The following WNK2 variants were observed in gnomAD, a reference collection of about 807,000 sequenced individuals.
WNK2 encodes serine/threonine-protein kinase WNK2.
In WNK2, 67 loss-of-function variants were observed where a neutral mutation model predicts 192.1. The observed-to-expected ratio is 0.35, with a 90% CI of 0.29 to 0.43. The LOEUF (loss-of-function observed/expected upper bound fraction) is 0.43, where lower values mean the gene tolerates loss of function less well. Ranked by LOEUF, WNK2 falls within the 20% of genes least tolerant of loss-of-function variation. The pLI, the probability that WNK2 is intolerant of heterozygous loss-of-function variation, is 1.00. For missense variants in WNK2, 2,698 were observed against 3,089.7 expected (o/e 0.87, Z 3.01); for synonymous variants, 1,439 against 1,393.9 (o/e 1.03, Z -0.72).
rs1327279352 is a variant in WNK2 at position 93,263,992 on chromosome 9, G to A, written c.3655G>A (p.Asp1219Asn). 4 of 1,613,524 alleles carry A rather than the reference G, an allele frequency of 2.5e-6. No individual in the cohort carries two copies. The highest frequency in any genetic ancestry group is 1.3e-5 in the African/African-American group (1 of 74,996). Residue 1219 changes from aspartate (D) to asparagine (N), a missense_variant, in exon 16 of 30, where the codon GAC (aspartate) becomes AAC (asparagine). This residue lies in a region of WNK2 where 21 missense variants were observed against 53.2 expected (regional missense o/e 0.39). Transcript: ENST00000427277. ...HNHKMVTFKF[D>N]LDGDAPDEIA... ...CCACAAGATGGTGACCTTCAAGTTC[G>A]ACTTGGACGGGGACGCACCCGATGA...
chr9:93,207,316 C>T lies in WNK2; in HGVS notation c.681+21706C>T, dbSNP rs147472635. Among the ~76,000 whole-genome samples the T allele has an allele frequency of 5.2e-3, 796 of 152,290 alleles. 2 individuals carry two copies. Among genetic ancestry groups the T allele is most frequent in the Non-Finnish European group, 8.8e-3 (597 of 68,020 alleles). On this transcript the variant is annotated intron_variant, in intron 2 of 29. Transcript: ENST00000427277. ...GGATAGCACTCCTAAGTTGCAGAGC[C>T]GTGGGTTTGACCTGCCCCAGATCTC... is the stretch of plus-strand genomic sequence containing the variant.
chr9:93,281,866 G>GA (rs1847789521), intron 19 of WNK2, among the ~76,000 whole-genome samples: 1 of 152,150 alleles, frequency 6.6e-6, no homozygotes, highest in Non-Finnish European at 1.5e-5. Flanking sequence ...AGTGCTGAAG[G>GA]AAATAAGCCC....
At chr9:93,271,239 G>A (rs563860659) in intron 19 of WNK2, among the ~76,000 whole-genome samples, 19 of 152,294 alleles carry the variant, frequency 1.2e-4, no homozygotes, top group African/African-American at 3.9e-4. Flanking sequence ...GTTGCAACTC[G>A]CAGTCTGAAC....
rs146541306 is a variant in WNK2, at chr9:93,189,278, G to T, written c.681+3668G>T. Among the ~76,000 whole-genome samples, 1,038 of 152,252 alleles carry T rather than the reference G, an allele frequency of 6.8e-3. 15 individuals carry two copies. The highest frequency in any genetic ancestry group is 0.024 in the African/African-American group (989 of 41,534). ...CACTGCCTCTGAGCTGCTGTGGCAG[G>T]GCTGGAACCTGAGTTTCCCAAGATG... On this transcript the variant is annotated intron_variant, in intron 2 of 29. Transcript: ENST00000427277.
chr9:93,191,026 A>C (rs1433511965), intron 2 of WNK2, among the ~76,000 whole-genome samples: 1 of 152,166 alleles, frequency 6.6e-6, no homozygotes, highest in Non-Finnish European at 1.5e-5. Context: ...CCTGCGCTGG[A>C]GACCCCCACG....
At chr9:93,289,683 C>A in intron 20 of WNK2, 63 bp downstream of exon 20, 1 of 1,403,484 alleles carries the variant, frequency 7.1e-7, no homozygotes, top group Non-Finnish European at 9.3e-7. Flanking sequence ...CGGGCGCAGG[C>A]CCGGGGGTGG....
At chr9:93,296,690 C>A (rs572229257) in intron 23 of WNK2, among the ~76,000 whole-genome samples, 12 of 89,848 alleles carry the variant, frequency 1.3e-4, no homozygotes, top group African/African-American at 5.5e-4. Flanking sequence ...CTCCTCCCCT[C>A]TCCATTCTCC....
intron 2 of WNK2, among the ~76,000 whole-genome samples, chr9:93,202,546 A>G (rs965684557): frequency 7.9e-5 from 12 of 151,954 alleles, no homozygotes; most frequent in South Asian, 2.1e-4. Context: ...GCTGGGAGCC[A>G]CAGCTCTCAG....
At chr9:93,224,955 C>T (rs1837550739) in intron 2 of WNK2, among the ~76,000 whole-genome samples, 1 of 152,112 alleles carries the variant, frequency 6.6e-6, no homozygotes, top group Non-Finnish European at 1.5e-5. Context: ...GAATTCAGTC[C>T]ACAGGTGTTC....
chr9:93,222,752 G>A (rs1403006020), intron 2 of WNK2, among the ~76,000 whole-genome samples: 5 of 151,320 alleles, frequency 3.3e-5, no homozygotes, highest in Admixed American at 3.3e-4. Flanking sequence ...GTGTGATCTC[G>A]GCTCACTACA....
At chr9:93,237,870 T>C (rs1840089770) in intron 5 of WNK2, among the ~76,000 whole-genome samples, 1 of 151,946 alleles carries the variant, frequency 6.6e-6, no homozygotes, top group Non-Finnish European at 1.5e-5. Context: ...TTTTTTTTTT[T>C]TGCTGTATGT....
At chr9:93,199,267 C>G (rs549737963) in intron 2 of WNK2, among the ~76,000 whole-genome samples, 2 of 152,318 alleles carry the variant, frequency 1.3e-5, no homozygotes, top group East Asian at 3.9e-4. Flanking sequence ...AGCCGAGATG[C>G]TTGCCCCTGA....
At chr9:93,202,364 G>GTGTGTGTGTGTGTA (rs576221975) in intron 2 of WNK2, among the ~76,000 whole-genome samples, 319 of 146,106 alleles carry the variant, frequency 2.2e-3, no homozygotes, top group African/African-American at 7.1e-3. Context: ...GTGTGTGTGT[G>GTGTGTGTGTGTGTA]TGTATGTCTC....
intron 2 of WNK2, among the ~76,000 whole-genome samples, chr9:93,192,156 A>G (rs1410364624): frequency 6.6e-6 from 1 of 151,992 alleles, no homozygotes; most frequent in Non-Finnish European, 1.5e-5. Context: ...TGTACTAAAA[A>G]TACAAAAATT....
rs555689774 is a variant in WNK2 at position 93,272,515 on chromosome 9, G to A, written c.4033+3769G>A. On this transcript the variant is annotated intron_variant, in intron 19 of 29. Coordinates refer to ENST00000427277, the MANE Select transcript of WNK2 (RefSeq NM_006648.4). ...CACTTTGGGAGCCCAAGTTCGGGGGGATCACCTGAGGTCAGGAGTTTGAGA... is the reference window on the plus strand; with the variant it reads ...CACTTTGGGAGCCCAAGTTCGGGGGAATCACCTGAGGTCAGGAGTTTGAGA... 1.6e-4 allele frequency among the ~76,000 whole-genome samples: 24 copies of A among 152,242 alleles called. No individual in the cohort carries two copies. The South Asian group carries it at 4.8e-3, about 30-fold the overall frequency.
intron 2 of WNK2, among the ~76,000 whole-genome samples, chr9:93,218,138 G>T (rs536297071): frequency 8.4e-4 from 128 of 152,144 alleles, no homozygotes; most frequent in Non-Finnish European, 1.6e-3. Flanking sequence ...AACCCTGTGT[G>T]GGGGCAGGGC....
chr9:93,189,715 C>T (rs747525352), intron 2 of WNK2, among the ~76,000 whole-genome samples: 7 of 152,244 alleles, frequency 4.6e-5, no homozygotes, highest in Admixed American at 2.6e-4. Flanking sequence ...TGAGCTGGCC[C>T]GTCATCCCGT....
chr9:93,287,382 G>C (rs950507799), intron 19 of WNK2, among the ~76,000 whole-genome samples: 4 of 152,314 alleles, frequency 2.6e-5, no homozygotes, highest in Admixed American at 2.6e-4. Flanking sequence ...CTCAGTGTTA[G>C]TCGTGGTCCC....
At chr9:93,216,327 TAGC>T (rs1835736522) in intron 2 of WNK2, among the ~76,000 whole-genome samples, 1 of 152,122 alleles carries the variant, frequency 6.6e-6, no homozygotes, top group South Asian at 2.1e-4. Context: ...ATTTTCAGCT[TAGC>T]AGTCACTTTA....
Sources: gnomAD v4.1 joint callset for allele counts (sites outside exome capture counted in the v4.1 genomes callset) on GRCh38, gnomAD v4.1.1 for gene constraint, gnomAD v4.1.1 regional missense constraint, MANE v1.5 for transcripts, NCBI Gene and HGNC (gene_info 2026-07-23, HGNC 2026-07-21) for gene names.